Variants in GLIPR1L1 observed in about 807,000 individuals in gnomAD.
GLIPR1L1 encodes the protein GLIPR1-like protein 1.
Under a neutral mutation model 29.9 loss-of-function variants are expected in GLIPR1L1, and 26 were observed. That is an observed-to-expected ratio of 0.87 (90% CI 0.64 to 1.21). The LOEUF (loss-of-function observed/expected upper bound fraction) is 1.21, where lower values mean the gene tolerates loss of function less well. Ranked by LOEUF, GLIPR1L1 falls within the 50% of genes most tolerant of loss-of-function variation. The pLI, the probability that GLIPR1L1 is intolerant of heterozygous loss-of-function variation, is 0.00. For synonymous variants in GLIPR1L1, 77 were observed against 97.5 expected, an observed-to-expected ratio of 0.79 and a Z score of 1.24; for missense variants, 305 against 290.3, an observed-to-expected ratio of 1.05 and a Z score of -0.37.
chr12:75,355,836 A>G lies in GLIPR1L1; in HGVS notation c.522-7266A>G, dbSNP rs188819258. Among the ~76,000 whole-genome samples the G allele has an allele frequency of 3.9e-5, 6 of 152,322 alleles. No homozygotes were observed. The East Asian group carries it at 1.2e-3, about 29-fold the overall frequency. ...GATCATGTCATTTGCAGGGACATGGATGGAGCTAGAAGCTATTATTCTTAG... is the reference window on the plus strand; with the variant it reads ...GATCATGTCATTTGCAGGGACATGGGTGGAGCTAGAAGCTATTATTCTTAG... On this transcript the variant is annotated intron_variant, in intron 3 of 5. Transcript: ENST00000378695.
At chr12:75,355,491 G>A (rs1198375183) in intron 3 of GLIPR1L1, among the ~76,000 whole-genome samples, 1 of 152,132 alleles carries the variant, frequency 6.6e-6, no homozygotes, top group Non-Finnish European at 1.5e-5. Context: ...GTGAGGTTGT[G>A]GAGAAATAGG....
intron 4 of GLIPR1L1, among the ~76,000 whole-genome samples, chr12:75,367,268 G>GAAAA (rs35250320): frequency 1.8e-4 from 16 of 88,730 alleles, no homozygotes; most frequent in East Asian, 6.7e-4. Context: ...TTCCTAGGAG[G>GAAAA]AAAAAAAAAA....
chr12:75,343,272 ATTATCT>A (rs1286338995), intron 1 of GLIPR1L1, among the ~76,000 whole-genome samples: 2 of 152,012 alleles, frequency 1.3e-5, no homozygotes, highest in Admixed American at 6.5e-5. Flanking sequence ...TTGTTTGTAG[ATTATCT>A]TTATCAAATT....
intron 3 of GLIPR1L1, among the ~76,000 whole-genome samples, chr12:75,349,965 G>T (rs1345147698): frequency 1.3e-5 from 2 of 152,234 alleles, no homozygotes; most frequent in East Asian, 3.9e-4. Context: ...AGCGGGGCAG[G>T]CTGGAGACTG....
chr12:75,340,544 T>C (rs2042032690), intron 1 of GLIPR1L1, among the ~76,000 whole-genome samples: 1 of 151,968 alleles, frequency 6.6e-6, no homozygotes, highest in African/African-American at 2.4e-5. Flanking sequence ...ATTTTGATTT[T>C]TATCAAGACC....
chr12:75,340,681 A>G (rs2042042036), intron 1 of GLIPR1L1, among the ~76,000 whole-genome samples: 1 of 151,840 alleles, frequency 6.6e-6, no homozygotes, highest in Non-Finnish European at 1.5e-5. Context: ...TTCAAACCAT[A>G]TATTTAAGAA....
chr12:75,343,792 G>A lies in GLIPR1L1; in HGVS notation c.274G>A (p.Ala92Thr). ...CLDKSYKCYA[A>T]FEYVGENIWL... ...GGATAAATCATATAAATGCTATGCA[G>A]CTTTTGAATATGTTGGAGAAAATAT... Residue 92 changes from alanine (A) to threonine (T), a missense_variant, in exon 2 of 6, where the codon GCT (alanine) becomes ACT (threonine). By Grantham distance (58) the Ala-to-Thr change is moderately conservative. Transcript: ENST00000378695. 2 of 1,613,326 alleles carry A rather than the reference G, an allele frequency of 1.2e-6. No homozygotes were observed. Among genetic ancestry groups the A allele is most frequent in the Non-Finnish European group, 8.5e-7 (1 of 1,179,462 alleles).
intron 3 of GLIPR1L1, among the ~76,000 whole-genome samples, chr12:75,354,094 G>A (rs2042986050): frequency 7.0e-6 from 1 of 142,896 alleles, no homozygotes; most frequent in East Asian, 2.2e-4. Context: ...AGACAAAAAT[G>A]TCCTCTCTCA....
At chr12:75,336,652 C>T (rs1206749579) in intron 1 of GLIPR1L1, among the ~76,000 whole-genome samples, 2 of 151,324 alleles carry the variant, frequency 1.3e-5, no homozygotes, top group Non-Finnish European at 3.0e-5. Context: ...TTTTAATACA[C>T]AAAAATTGGC....
At chr12:75,357,216 T>C (rs1235964764) in intron 3 of GLIPR1L1, among the ~76,000 whole-genome samples, 1 of 152,098 alleles carries the variant, frequency 6.6e-6, no homozygotes. Flanking sequence ...TGCTGCACTG[T>C]TTACATTAGT....
At chr12:75,369,554 G>T (rs908807917) in intron 4 of GLIPR1L1, 66 of 983,358 alleles carry the variant, frequency 6.7e-5, no homozygotes, top group Non-Finnish European at 8.0e-5. Context: ...AAGACATCGA[G>T]AAATATTTGG....
chr12:75,362,832 C>T (rs2139613983), intron 3 of GLIPR1L1, among the ~76,000 whole-genome samples: 1 of 152,192 alleles, frequency 6.6e-6, no homozygotes, highest in Non-Finnish European at 1.5e-5. Context: ...AAAAACTTTG[C>T]AACTATCACA....
At chr12:75,336,731 G>A (rs2041761791) in intron 1 of GLIPR1L1, among the ~76,000 whole-genome samples, 4 of 151,248 alleles carry the variant, frequency 2.6e-5, no homozygotes, top group Admixed American at 2.6e-4. Flanking sequence ...AGAACAAGTA[G>A]GTAAAAATCA....
chr12:75,352,791 AAC>A (rs1415349361), intron 3 of GLIPR1L1, among the ~76,000 whole-genome samples: 5 of 152,200 alleles, frequency 3.3e-5, no homozygotes, highest in Non-Finnish European at 7.3e-5. Flanking sequence ...CTGAAATCAT[AAC>A]AGTCTCTCAG....
At chr12:75,339,330 T>C (rs1257931621) in intron 1 of GLIPR1L1, among the ~76,000 whole-genome samples, 1 of 152,224 alleles carries the variant, frequency 6.6e-6, no homozygotes, top group Admixed American at 6.5e-5. Flanking sequence ...GTGGTTTTGA[T>C]TGCATTTTTC....
intron 3 of GLIPR1L1, among the ~76,000 whole-genome samples, chr12:75,350,483 C>A (rs992040797): frequency 1.3e-5 from 2 of 152,154 alleles, no homozygotes; most frequent in African/African-American, 2.4e-5. Context: ...ACAGAATGCC[C>A]AGTGGAAAGA....
chr12:75,341,823 C>T (rs1258800967), intron 1 of GLIPR1L1, among the ~76,000 whole-genome samples: 1 of 143,058 alleles, frequency 7.0e-6, no homozygotes, highest in African/African-American at 2.6e-5. Flanking sequence ...GGTCTTGGCT[C>T]ACTGCAACCT....
chr12:75,367,268 GAAAA>G (rs35250320), intron 4 of GLIPR1L1, among the ~76,000 whole-genome samples: 2 of 88,730 alleles, frequency 2.3e-5, no homozygotes, highest in Non-Finnish European at 4.3e-5. Flanking sequence ...TTCCTAGGAG[GAAAA>G]AAAAAAAAAA....
At chr12:75,353,302 G>T (rs533845785) in intron 3 of GLIPR1L1, among the ~76,000 whole-genome samples, 3 of 152,240 alleles carry the variant, frequency 2.0e-5, no homozygotes, top group African/African-American at 7.2e-5. Flanking sequence ...AATAAAAAAT[G>T]ATAAAGGGGT....
Sources: gnomAD v4.1 joint callset for allele counts (sites outside exome capture counted in the v4.1 genomes callset) on GRCh38, gnomAD v4.1.1 for gene constraint, MANE v1.5 for transcripts, NCBI Gene and HGNC (gene_info 2026-07-23, HGNC 2026-07-21) for gene names.